Variants in FAM114A1 observed in about 807,000 individuals in gnomAD.
FAM114A1 encodes the protein protein NOXP20.
In FAM114A1, 62 loss-of-function variants were observed where a neutral mutation model predicts 64.3. That is an observed-to-expected ratio of 0.96 (90% CI 0.79 to 1.19). The LOEUF (loss-of-function observed/expected upper bound fraction) is 1.19. FAM114A1 is among the 50% of genes most tolerant of loss of function. The pLI is 0.00. For missense variants in FAM114A1, 645 were observed against 676.3 expected (o/e 0.95, Z 0.51); for synonymous variants, 254 against 251.1 (o/e 1.01, Z -0.11).
At chr4:38,900,396 A>G (rs1286525331) in intron 4 of FAM114A1, among the ~76,000 whole-genome samples, 1 of 152,196 alleles carries the variant, frequency 6.6e-6, no homozygotes, top group Non-Finnish European at 1.5e-5. Context: ...ACTTCTGATT[A>G]TATTTCCAAA....
intron 9 of FAM114A1, among the ~76,000 whole-genome samples, chr4:38,926,469 T>G (rs1429355793): frequency 6.6e-6 from 1 of 151,582 alleles, no homozygotes; most frequent in Non-Finnish European, 1.5e-5. Context: ...TTTTTTTTTT[T>G]TTCCAGATAG....
chr4:38,910,743 A>G (rs1718457449), intron 7 of FAM114A1, among the ~76,000 whole-genome samples: 1 of 152,130 alleles, frequency 6.6e-6, no homozygotes, highest in African/African-American at 2.4e-5. Flanking sequence ...GCCAAGGGAG[A>G]ACTCACGCAA....
At chr4:38,912,067 G>A (rs747574671) in intron 7 of FAM114A1, among the ~76,000 whole-genome samples, 1 of 151,760 alleles carries the variant, frequency 6.6e-6, no homozygotes, top group Admixed American at 6.6e-5. Flanking sequence ...CACCATGTTG[G>A]CCAGGCTGGT....
chr4:38,935,717 G>A lies in FAM114A1; in HGVS notation c.1464-1G>A. ...AAGCTTTTTTTTTTTTCTTCTTTCA[G>A]ATTAACTACTGCAATGTGCAATGAA... On this transcript the variant is annotated splice_acceptor_variant, in intron 12 of 14. Transcript: ENST00000358869. LOFTEE classifies it high-confidence loss of function. 2.5e-5 allele frequency: 39 copies of A among 1,573,304 alleles called. No individual in the cohort carries two copies. The highest frequency in any genetic ancestry group is 3.2e-5 in the Non-Finnish European group (37 of 1,162,250).
chr4:38,887,556 G>A (rs1715942273), intron 3 of FAM114A1, among the ~76,000 whole-genome samples: 1 of 152,168 alleles, frequency 6.6e-6, no homozygotes, highest in Non-Finnish European at 1.5e-5. Context: ...GATGATTTCA[G>A]CTTAAAATCA....
Position 38,927,132 on chromosome 4 carries a change from TC to T in FAM114A1, c.1070-2104del, listed in dbSNP as rs145782025. The stretch of plus-strand genomic sequence containing the variant: ...TGCTACACTGCAGCTGGAAGGCTCT[TC>T]CCCCCTGACATCTTGTAGCTGGCTC... On this transcript the variant is annotated intron_variant, in intron 9 of 14. Transcript: ENST00000358869. Among the ~76,000 whole-genome samples, 845 of 152,174 alleles carry T rather than the reference TC, an allele frequency of 5.6e-3. 12 individuals carry two copies. Among genetic ancestry groups the T allele is most frequent in the South Asian group, 0.046 (223 of 4,812 alleles).
At chr4:38,936,115 C>T (rs1287335553) in intron 13 of FAM114A1, among the ~76,000 whole-genome samples, 2 of 146,860 alleles carry the variant, frequency 1.4e-5, no homozygotes, top group East Asian at 2.0e-4. Context: ...TTTTTTGAGA[C>T]GGAGTTTTGC....
chr4:38,937,371 A>G (rs1050769871), intron 13 of FAM114A1, among the ~76,000 whole-genome samples: 1 of 152,058 alleles, frequency 6.6e-6, no homozygotes, highest in Non-Finnish European at 1.5e-5. Flanking sequence ...GCAAAACTCC[A>G]GTCTCTCTCT....
At chr4:38,942,605 C>T (rs1356267601) in intron 14 of FAM114A1, among the ~76,000 whole-genome samples, 1 of 152,188 alleles carries the variant, frequency 6.6e-6, no homozygotes, top group Non-Finnish European at 1.5e-5. Context: ...AATGGCCTCT[C>T]CATCCAATAC....
intron 10 of FAM114A1, among the ~76,000 whole-genome samples, chr4:38,930,628 A>G (rs1446482354): frequency 6.6e-6 from 1 of 152,158 alleles, no homozygotes; most frequent in Non-Finnish European, 1.5e-5. Context: ...TTACCATTCA[A>G]CACTCTGATA....
At chr4:38,919,854 T>C (rs1719420941) in intron 8 of FAM114A1, among the ~76,000 whole-genome samples, 1 of 152,238 alleles carries the variant, frequency 6.6e-6, no homozygotes, top group Non-Finnish European at 1.5e-5. Context: ...ACTATTTTAC[T>C]AGATTGATTC....
chr4:38,917,558 T>C lies in FAM114A1; in HGVS notation c.945+2485T>C, dbSNP rs1423581214. On this transcript the variant is annotated intron_variant, in intron 8 of 14. Coordinates refer to ENST00000358869, the MANE Select transcript of FAM114A1 (RefSeq NM_138389.4). ...TAAGCACTGAATAATGTACACATGT[T>C]GATGACAGTTGATTTTTATATGCGT... Among the ~76,000 whole-genome samples, 3 of 152,230 alleles carry C rather than the reference T, an allele frequency of 2.0e-5. No individual in the cohort carries two copies. In the East Asian group the frequency reaches 5.8e-4, roughly 29 times the overall value.
intron 8 of FAM114A1, among the ~76,000 whole-genome samples, chr4:38,921,662 T>G (rs1439387290): frequency 6.6e-6 from 1 of 152,196 alleles, no homozygotes; most frequent in African/African-American, 2.4e-5. Context: ...ACCTCCTCTG[T>G]GAAGCCCTCC....
intron 7 of FAM114A1, among the ~76,000 whole-genome samples, chr4:38,913,508 C>G (rs959574786): frequency 3.3e-5 from 5 of 152,132 alleles, no homozygotes; most frequent in Non-Finnish European, 5.9e-5. Context: ...CCTCTCCTGC[C>G]TCAGCCTCCT....
chr4:38,932,418 T>G, intron 12 of FAM114A1, 44 bp downstream of exon 12: 1 of 1,540,604 alleles, frequency 6.5e-7, no homozygotes, highest in Non-Finnish European at 8.7e-7. Flanking sequence ...CAGTTTTATA[T>G]ATAGGTACCA....
chr4:38,914,718 G>A, intron 7 of FAM114A1: 1 of 527,778 alleles, frequency 1.9e-6, no homozygotes, highest in Non-Finnish European at 3.2e-6. Flanking sequence ...TTCACATAAT[G>A]AACATGTAAA....
chr4:38,932,373 A>C lies in FAM114A1; in HGVS notation c.1462A>C (p.Lys488Gln). The C allele has an allele frequency of 6.3e-7, 1 of 1,587,518 alleles. No homozygotes were observed. Among genetic ancestry groups the C allele is most frequent in the Non-Finnish European group, 8.5e-7 (1 of 1,173,254 alleles). ...TCAGGACCAAGCAAAAGTTCTAATAAAGTAAGTAAATGTTACTTTAAATTC... is the reference window on the plus strand; with the variant it reads ...TCAGGACCAAGCAAAAGTTCTAATACAGTAAGTAAATGTTACTTTAAATTC... The part of the protein sequence containing the change: ...PAQDQAKVLI[K>Q]LTTAMCNEVA... Residue 488 changes from lysine to glutamine, a missense_variant and splice_region_variant, in exon 12 of 15, where the codon AAA becomes CAA. By Grantham distance (53) the Lys-to-Gln change is moderately conservative. Coordinates refer to ENST00000358869, the MANE Select transcript of FAM114A1 (RefSeq NM_138389.4).
Position 38,931,331 on chromosome 4 carries a change from C to T in FAM114A1, c.1162-120C>T. The T allele has an allele frequency of 4.1e-6, 5 of 1,220,718 alleles. No individual in the cohort carries two copies. In the South Asian group the frequency reaches 7.8e-5, roughly 19 times the overall value. 75.6% of individuals were successfully genotyped at this position (1,220,718 alleles called of 1,614,324 possible). On this transcript the variant is annotated intron_variant, in intron 10 of 14. Transcript: ENST00000358869. ...GTTGAAAAATTGCCCCGTCATCCTC[C>T]AAACATACAGAGATCCATTCTTGAA...
chr4:38,915,585 G>A (rs1718965103), intron 8 of FAM114A1, among the ~76,000 whole-genome samples: 1 of 152,186 alleles, frequency 6.6e-6, no homozygotes, highest in South Asian at 2.1e-4. Context: ...TGAAGGTTAA[G>A]GTTCTATTAG....
Sources: gnomAD v4.1 joint callset for allele counts (sites outside exome capture counted in the v4.1 genomes callset) on GRCh38, gnomAD v4.1.1 for gene constraint, MANE v1.5 for transcripts, NCBI Gene and HGNC (gene_info 2026-07-23, HGNC 2026-07-21) for gene names.